Variants in BRMS1L observed in about 807,000 individuals in gnomAD.
The protein encoded by BRMS1L is BRMS1 like transcriptional repressor.
A neutral mutation model predicts 50.3 loss-of-function variants in BRMS1L; 23 were observed. The observed-to-expected ratio is 0.46, with a 90% CI of 0.33 to 0.65. The LOEUF (loss-of-function observed/expected upper bound fraction) is 0.65, where lower values mean the gene tolerates loss of function less well. BRMS1L is among the 30% of genes least tolerant of loss of function. The pLI is 0.02. For synonymous variants in BRMS1L, 114 were observed against 126.9 expected, an observed-to-expected ratio of 0.90 and a Z score of 0.69; for missense variants, 286 against 386.1, an observed-to-expected ratio of 0.74 and a Z score of 2.17.
chr14:35,856,739 G>A (rs965980779), intron 4 of BRMS1L, among the ~76,000 whole-genome samples: 6 of 151,930 alleles, frequency 3.9e-5, no homozygotes, highest in Non-Finnish European at 8.8e-5. Context: ...AACGTCCTGA[G>A]TAGCTGGGAT....
intron 4 of BRMS1L, among the ~76,000 whole-genome samples, chr14:35,850,434 G>A (rs1305457187): frequency 9.2e-5 from 14 of 151,504 alleles, no homozygotes; most frequent in Non-Finnish European, 2.1e-4. Flanking sequence ...CTTGAATTCC[G>A]ATCCACCTGC....
At chr14:35,840,123 A>AT (rs2078044101) in intron 4 of BRMS1L, among the ~76,000 whole-genome samples, 3 of 152,140 alleles carry the variant, frequency 2.0e-5, no homozygotes, top group Admixed American at 2.0e-4. Context: ...ATCTATTGAG[A>AT]TAATCATGTG....
chr14:35,834,312 T>C (rs1357617135), intron 3 of BRMS1L, among the ~76,000 whole-genome samples: 1 of 152,168 alleles, frequency 6.6e-6, no homozygotes, highest in African/African-American at 2.4e-5. Flanking sequence ...GTATCCATCC[T>C]CTAGATAAAG....
chr14:35,842,097 T>G (rs1373456572), intron 4 of BRMS1L, among the ~76,000 whole-genome samples: 1 of 151,886 alleles, frequency 6.6e-6, no homozygotes, highest in African/African-American at 2.4e-5. Context: ...ATGCGTCTCC[T>G]GAATACAGCA....
intron 4 of BRMS1L, among the ~76,000 whole-genome samples, chr14:35,847,729 TCC>T (rs2078155729): frequency 6.6e-6 from 1 of 152,138 alleles, no homozygotes; most frequent in African/African-American, 2.4e-5. Context: ...CATTTCCCCC[TCC>T]GCCACACCTG....
intron 7 of BRMS1L, 102 bp from the exon 8 acceptor site, chr14:35,865,620 G>A (rs2078409807): frequency 1.2e-6 from 1 of 862,660 alleles, no homozygotes; most frequent in Admixed American, 3.0e-5. Flanking sequence ...TCTTTGTTAT[G>A]GAGTTAATCG....
chr14:35,835,868 C>A (rs1280150684), intron 4 of BRMS1L, among the ~76,000 whole-genome samples: 1 of 151,716 alleles, frequency 6.6e-6, no homozygotes, highest in Non-Finnish European at 1.5e-5. Flanking sequence ...ACAACAACAA[C>A]AAACAAAAAA....
intron 4 of BRMS1L, among the ~76,000 whole-genome samples, chr14:35,857,327 T>C (rs1050343672): frequency 6.6e-6 from 1 of 151,140 alleles, no homozygotes; most frequent in African/African-American, 2.4e-5. Flanking sequence ...TTGTTGTTAG[T>C]AGGTAATGTG....
intron 4 of BRMS1L, among the ~76,000 whole-genome samples, chr14:35,852,990 GTATC>G (rs72342569): frequency 1.7e-4 from 26 of 148,838 alleles, no homozygotes; most frequent in Middle Eastern, 7.0e-3. Context: ...CTTTATATCT[GTATC>G]TATCTATCTA....
At chr14:35,867,480 A>G (rs554392459) in intron 8 of BRMS1L, among the ~76,000 whole-genome samples, 2 of 152,346 alleles carry the variant, frequency 1.3e-5, no homozygotes, top group East Asian at 3.9e-4. Flanking sequence ...TTTTAGAATT[A>G]AAAGCCTGGG....
chr14:35,854,041 A>G (rs998535563), intron 4 of BRMS1L, among the ~76,000 whole-genome samples: 3 of 152,164 alleles, frequency 2.0e-5, no homozygotes, highest in Non-Finnish European at 4.4e-5. Flanking sequence ...TTATAATACA[A>G]GTTATAGTTG....
chr14:35,861,516 G>A (rs1299984816), intron 4 of BRMS1L, among the ~76,000 whole-genome samples: 1 of 152,110 alleles, frequency 6.6e-6, no homozygotes, highest in Non-Finnish European at 1.5e-5. Flanking sequence ...TAAAGGCAAG[G>A]GAACAAGCAA....
At chr14:35,836,250 G>A (rs1435150527) in intron 4 of BRMS1L, among the ~76,000 whole-genome samples, 1 of 152,140 alleles carries the variant, frequency 6.6e-6, no homozygotes, top group African/African-American at 2.4e-5. Flanking sequence ...CAGGTGGTAC[G>A]ATGTTTTCAC....
chr14:35,863,728 A>G, intron 5 of BRMS1L, 142 bp from the exon 6 acceptor site: 2 of 660,360 alleles, frequency 3.0e-6, no homozygotes, highest in Non-Finnish European at 5.2e-6. Flanking sequence ...AATTATGTAC[A>G]GCTTAATCTA....
chr14:35,850,897 C>G (rs1343712959), intron 4 of BRMS1L, among the ~76,000 whole-genome samples: 1 of 152,148 alleles, frequency 6.6e-6, no homozygotes, highest in Non-Finnish European at 1.5e-5. Context: ...CCCAAAACGT[C>G]ATTTAGTTTT....
At chr14:35,837,072 T>A (rs1398174257) in intron 4 of BRMS1L, among the ~76,000 whole-genome samples, 2 of 151,838 alleles carry the variant, frequency 1.3e-5, no homozygotes, top group African/African-American at 4.8e-5. Context: ...CTGACCAATA[T>A]GATGAAACCC....
chr14:35,829,226 G>A (rs2077887052), intron 1 of BRMS1L, among the ~76,000 whole-genome samples: 1 of 152,206 alleles, frequency 6.6e-6, no homozygotes, highest in Non-Finnish European at 1.5e-5. Flanking sequence ...ACAGGCGGGA[G>A]CCACTGCACC....
intron 4 of BRMS1L, among the ~76,000 whole-genome samples, chr14:35,853,495 C>G (rs932404550): frequency 6.6e-6 from 1 of 151,972 alleles, no homozygotes; most frequent in African/African-American, 2.4e-5. Flanking sequence ...CTCACTGCAG[C>G]CTGTAACTCC....
chr14:35,839,247 A>G (rs1290262803), intron 4 of BRMS1L, among the ~76,000 whole-genome samples: 1 of 152,190 alleles, frequency 6.6e-6, no homozygotes, highest in Non-Finnish European at 1.5e-5. Flanking sequence ...TTTTGGTACC[A>G]GTACCATGCT....
Sources: allele counts gnomAD v4.1 joint callset (sites outside exome capture counted in the v4.1 genomes callset), GRCh38; gene constraint gnomAD v4.1.1; transcripts MANE v1.5; gene names NCBI Gene and HGNC (gene_info 2026-07-23, HGNC 2026-07-21).